ABCA1: variants seen among roughly 807,000 people sequenced by gnomAD.
The protein encoded by ABCA1 is ATP binding cassette subfamily A member 1, also known as phospholipid-transporting ATPase ABCA1.
A neutral mutation model predicts 262.5 loss-of-function variants in ABCA1; 133 were observed. The ratio of observed to expected loss-of-function variants is 0.51; its 90% CI spans 0.44 to 0.59. The LOEUF (loss-of-function observed/expected upper bound fraction) is 0.59, where lower values mean the gene tolerates loss of function less well. Ranked by LOEUF, ABCA1 falls within the 20% of genes least tolerant of loss-of-function variation. The probability of loss-of-function intolerance (pLI) is 0.00; values close to 1 mark genes in which losing one functional copy is unlikely to be tolerated. For synonymous variants in ABCA1, 1,022 were observed against 1,043.5 expected, an observed-to-expected ratio of 0.98 and a Z score of 0.40; for missense variants, 2,452 against 2,777.5, an observed-to-expected ratio of 0.88 and a Z score of 2.63.
chr9:104,870,613 T>C (rs1376551849), intron 5 of ABCA1, among the ~76,000 whole-genome samples: 2 of 152,136 alleles, frequency 1.3e-5, no homozygotes, highest in African/African-American at 4.8e-5. Context: ...TTAAGTTATG[T>C]GAGCAGTGCC....
intron 3 of ABCA1, among the ~76,000 whole-genome samples, chr9:104,888,072 T>TGTGG (rs1305346494): frequency 6.6e-6 from 1 of 151,744 alleles, no homozygotes; most frequent in African/African-American, 2.4e-5. Flanking sequence ...TGTGTGTGTG[T>TGTGG]GTGTGTGTGT....
chr9:104,877,409 C>G (rs1838251659), intron 5 of ABCA1, among the ~76,000 whole-genome samples: 1 of 152,244 alleles, frequency 6.6e-6, no homozygotes, highest in Non-Finnish European at 1.5e-5. Flanking sequence ...CCACCTTGCC[C>G]TCAAGGGGCT....
chr9:104,870,414 G>A (rs1837497545), intron 5 of ABCA1, among the ~76,000 whole-genome samples: 1 of 152,180 alleles, frequency 6.6e-6, no homozygotes, highest in East Asian at 1.9e-4. Flanking sequence ...AACCCTCTCT[G>A]CCACTCCAGA....
At chr9:104,863,533 G>A (rs1039640409) in intron 5 of ABCA1, among the ~76,000 whole-genome samples, 3 of 152,208 alleles carry the variant, frequency 2.0e-5, no homozygotes, top group African/African-American at 7.2e-5. Context: ...GGAGCTAAGA[G>A]GGTCACATGC....
intron 16 of ABCA1, 118 bp downstream of exon 16, chr9:104,826,830 G>C: frequency 7.4e-6 from 7 of 947,230 alleles, no homozygotes; most frequent in Non-Finnish European, 1.2e-5. Context: ...TAGAGCTAAG[G>C]TTCATGTCCC....
In ABCA1 at chr9:104,858,706, C is replaced by G; in HGVS notation, c.544-8G>C. On this transcript the variant is annotated splice_polypyrimidine_tract_variant and splice_region_variant and intron_variant, in intron 6 of 49. Coordinates refer to ENST00000374736, the MANE Select transcript of ABCA1 (RefSeq NM_005502.4). ...GTAGCCTTGCAAAAATACCTGGAAG[C>G]ATTTCATGCAAAGAGAGACAAGCAC... 1 of 1,614,010 alleles carries G rather than the reference C, an allele frequency of 6.2e-7. No homozygotes were observed. Among genetic ancestry groups the G allele is most frequent in the Non-Finnish European group, 8.5e-7 (1 of 1,179,962 alleles).
At chr9:104,896,380 A>T (rs2118382781) in intron 2 of ABCA1, among the ~76,000 whole-genome samples, 1 of 152,370 alleles carries the variant, frequency 6.6e-6, no homozygotes, top group South Asian at 2.1e-4. Flanking sequence ...AAGGAAGATG[A>T]GAATTAAGGA....
intron 7 of ABCA1, among the ~76,000 whole-genome samples, chr9:104,853,558 C>G (rs1340352): frequency 2.6e-5 from 4 of 152,224 alleles, no homozygotes; most frequent in Non-Finnish European, 4.4e-5. Flanking sequence ...TGCATCACAA[C>G]TGCCTTGTTG....
At chr9:104,893,020 A>AAATT (rs1308684122) in intron 2 of ABCA1, among the ~76,000 whole-genome samples, 1 of 152,240 alleles carries the variant, frequency 6.6e-6, no homozygotes, top group Non-Finnish European at 1.5e-5. Flanking sequence ...GCAGAATACA[A>AAATT]AATTATATGC....
intron 30 of ABCA1, among the ~76,000 whole-genome samples, chr9:104,807,843 T>TACACACACAC (rs1180467652): frequency 8.5e-4 from 31 of 36,612 alleles, no homozygotes; most frequent in African/African-American, 2.0e-3. Context: ...AATATATATA[T>TACACACACAC]ATACACACAC....
At chr9:104,791,053 T>C in intron 43 of ABCA1, 25 bp from the exon 44 acceptor site, 3 of 1,551,520 alleles carry the variant, frequency 1.9e-6, no homozygotes, top group Non-Finnish European at 2.7e-6. Context: ...TTAAGTTGTA[T>C]AAGCAAACTC....
intron 11 of ABCA1, among the ~76,000 whole-genome samples, chr9:104,833,212 C>T (rs1039448229): frequency 6.6e-6 from 1 of 152,172 alleles, no homozygotes; most frequent in South Asian, 2.1e-4. Context: ...TTCAGTGTCT[C>T]GCTCTGCCGC....
At position 104,909,654 on chromosome 9, in the gene ABCA1, A is replaced by ATACACG. The variant is rs1554754103; in HGVS notation, c.-92-5884_-92-5883insCGTGTA. 2.7e-3 allele frequency among the ~76,000 whole-genome samples: 399 copies of ATACACG among 146,612 alleles called. 3 individuals are homozygous for ATACACG. Among genetic ancestry groups the ATACACG allele is most frequent in the African/African-American group, 5.6e-3 (220 of 39,350 alleles). On this transcript the variant is annotated intron_variant, in intron 1 of 49. Coordinates refer to ENST00000374736, the MANE Select transcript of ABCA1 (RefSeq NM_005502.4). ...CACACACACACACACACACACACACATTCACAGGAAGCTGGCTGTGAAGGG... is the reference window on the plus strand; with the variant it reads ...CACACACACACACACACACACACACATACACGTTCACAGGAAGCTGGCTGTGAAGGG...
Position 104,814,179 on chromosome 9 carries a change from G to C in ABCA1, c.3840C>G (p.Ser1280Arg), listed in dbSNP as rs199853616. 1 of 1,614,220 alleles carries C rather than the reference G, an allele frequency of 6.2e-7. No homozygotes were observed. The highest frequency in any genetic ancestry group is 2.2e-5 in the East Asian group (1 of 44,882). ...RNRRAFGDKQ[S>R]CLRPFTEDDA... ...CATCTTCAGTGAACGGGCGAAGACA[G>C]CTCTGCTTGTCCCCGAAGGCCCGCC... Residue 1280 changes from serine to arginine, a missense_variant, in exon 27 of 50, where the codon AGC becomes AGG. Physicochemically the swap from Ser to Arg is moderately radical, Grantham distance 110. Around this residue, in one of 4 missense-constraint regions of ABCA1, gnomAD observed 665 missense variants for 727.3 expected, o/e 0.91. Coordinates refer to ENST00000374736, the MANE Select transcript of ABCA1 (RefSeq NM_005502.4).
At chr9:104,880,336 G>A (rs1452364919) in intron 5 of ABCA1, among the ~76,000 whole-genome samples, 1 of 151,848 alleles carries the variant, frequency 6.6e-6, no homozygotes, top group Non-Finnish European at 1.5e-5. Flanking sequence ...AGTGCTATTC[G>A]CAATCAGCAA....
chr9:104,858,727 A>C (rs1326647428), intron 6 of ABCA1, 29 bp from the exon 7 acceptor site: 1 of 1,612,710 alleles, frequency 6.2e-7, no homozygotes, highest in African/African-American at 1.3e-5. Flanking sequence ...AAGAGAGACA[A>C]GCACAAGAGG....
intron 39 of ABCA1, among the ~76,000 whole-genome samples, 167 bp from the exon 40 acceptor site, chr9:104,794,677 T>C (rs78268193): frequency 6.6e-6 from 1 of 152,162 alleles, no homozygotes; most frequent in African/African-American, 2.4e-5. Flanking sequence ...ACCAATTAAA[T>C]AGCAGCAGGC....
chr9:104,919,473 A>T (rs367984896), intron 1 of ABCA1, among the ~76,000 whole-genome samples: 3 of 152,160 alleles, frequency 2.0e-5, no homozygotes, highest in Admixed American at 2.0e-4. Flanking sequence ...TTAGCCGGAC[A>T]TGGTGGCATA....
In ABCA1 at chr9:104,831,828, C is replaced by A; in HGVS notation, c.1510-1G>T. On this transcript the variant is annotated splice_acceptor_variant, in intron 12 of 49. Transcript: ENST00000374736. LOFTEE classifies it high-confidence loss of function. ...GTTCTAGCTTGTTCAGGTTGACACA[C>A]TGATAGAAGAACAGCCTTCATGAGA... 6.2e-7 allele frequency: 1 copy of A among 1,614,136 alleles called. No individual in the cohort carries two copies. The highest frequency in any genetic ancestry group is 8.5e-7 in the Non-Finnish European group (1 of 1,179,986).
Sources: gnomAD v4.1 joint callset for allele counts (sites outside exome capture counted in the v4.1 genomes callset) on GRCh38, gnomAD v4.1.1 for gene constraint, gnomAD v4.1.1 regional missense constraint, MANE v1.5 for transcripts, NCBI Gene and HGNC (gene_info 2026-07-23, HGNC 2026-07-21) for gene names.